INPP4B: variants seen among roughly 807,000 people sequenced by gnomAD.
INPP4B encodes the protein inositol polyphosphate 4-phosphatase type II.
In INPP4B, 55 loss-of-function variants were observed where a neutral mutation model predicts 122.5. The ratio of observed to expected loss-of-function variants is 0.45; its 90% CI spans 0.36 to 0.56. INPP4B has a LOEUF of 0.56. Among genes scored for constraint, INPP4B ranks in the 20% least tolerant of loss-of-function variants. INPP4B has a pLI of 0.00. For synonymous variants in INPP4B, 403 were observed against 388.7 expected (o/e 1.04, Z -0.43); for missense variants, 1,000 against 1,097.7 (o/e 0.91, Z 1.26).
At chr4:142,442,038 T>C (rs1013713094) in intron 3 of INPP4B, among the ~76,000 whole-genome samples, 2 of 152,124 alleles carry the variant, frequency 1.3e-5, no homozygotes, top group Non-Finnish European at 2.9e-5. Context: ...TTTATTTTTT[T>C]TCTTAAATAA....
At position 142,024,259 on chromosome 4, in the gene INPP4B, T is replaced by A. The variant is rs1318620762; in HGVS notation, c.*4523A>T. On this transcript the variant is annotated 3_prime_UTR_variant, in exon 26 of 26. Coordinates refer to ENST00000262992, the MANE Select transcript of INPP4B (RefSeq NM_001101669.3). ...ACTGCCAAAGCAACAAAAGATATAA[T>A]ATATTGGGACTTTATAAGCTAAGAA... is the stretch of plus-strand genomic sequence containing the variant. 3 of 152,138 alleles carry A rather than the reference T, an allele frequency of 2.0e-5. No individual in the cohort carries two copies. Among genetic ancestry groups the A allele is most frequent in the Non-Finnish European group, 4.4e-5 (3 of 68,008 alleles). 9.4% of individuals were successfully genotyped at this position (152,138 alleles called of 1,614,324 possible).
At chr4:142,160,138 C>T (rs1366780682) in intron 17 of INPP4B, among the ~76,000 whole-genome samples, 1 of 151,888 alleles carries the variant, frequency 6.6e-6, no homozygotes, top group Non-Finnish European at 1.5e-5. Flanking sequence ...ATGACAGATT[C>T]TCACTTAAAC....
intron 2 of INPP4B, among the ~76,000 whole-genome samples, chr4:142,682,489 G>A (rs1758768251): frequency 6.6e-6 from 1 of 151,820 alleles, no homozygotes; most frequent in South Asian, 2.1e-4. Context: ...ATCCTTAAAA[G>A]TAATTAAATT....
chr4:142,687,524 C>T (rs1759515225), intron 2 of INPP4B, among the ~76,000 whole-genome samples: 1 of 134,042 alleles, frequency 7.5e-6, no homozygotes. Flanking sequence ...AGTGAGGCCA[C>T]TAATTTTTTT....
chr4:142,841,560 G>A (rs1380158846), intron 1 of INPP4B, among the ~76,000 whole-genome samples: 3 of 151,816 alleles, frequency 2.0e-5, no homozygotes, highest in Non-Finnish European at 4.4e-5. Flanking sequence ...AAAGGTGAAA[G>A]GCTCATATTT....
At chr4:142,086,114 G>A (rs2152545213) in intron 24 of INPP4B, 30 bp downstream of exon 24, 1 of 1,348,918 alleles carries the variant, frequency 7.4e-7, no homozygotes, top group Non-Finnish European at 1.1e-6. Context: ...TGACATGGCA[G>A]GAAATAAGAT....
At chr4:142,806,278 C>CAAAA (rs1175185594) in intron 1 of INPP4B, among the ~76,000 whole-genome samples, 10 of 53,586 alleles carry the variant, frequency 1.9e-4, no homozygotes, top group African/African-American at 2.2e-4. Flanking sequence ...GACTCCGTCT[C>CAAAA]AAAAAAAAAA....
rs1253150618 is a variant in INPP4B, at chr4:142,024,950, C to T, written c.*3832G>A. The T allele has an allele frequency of 6.6e-6, 1 of 151,884 alleles. No homozygotes were observed. Among genetic ancestry groups the T allele is most frequent in the East Asian group, 1.9e-4 (1 of 5,176 alleles). The allele number at this position is 151,884 out of a possible 1,614,324, so 9.4% of individuals were successfully genotyped here. On this transcript the variant is annotated 3_prime_UTR_variant, in exon 26 of 26. Transcript: ENST00000262992. ...ATAGTCATCAAATATGACTTTTAAC[C>T]TAATAGGAGTCTTTAAAGAAGGTAA...
At position 142,160,561 on chromosome 4, in the gene INPP4B, T is replaced by C. The variant is rs908702391; in HGVS notation, c.1360A>G (p.Thr454Ala). 5 of 1,589,306 alleles carry C rather than the reference T, an allele frequency of 3.1e-6. No homozygotes were observed. The highest frequency in any genetic ancestry group is 4.3e-6 in the Non-Finnish European group (5 of 1,160,904). Residue 454 changes from threonine (T) to alanine (A), a missense_variant and splice_region_variant, in exon 17 of 26, where the codon ACA becomes GCA. Thr to Ala is a moderately conservative substitution (Grantham distance 58). Transcript: ENST00000262992. ...KNSLKMLSEK[T>A]ELFVHAFKDQ... is the part of the protein sequence containing the mutation. ...TTGAAGGCATGTACAAAAAGCTCTG[T>C]CTGGAAAGAAATTGACAAGGATTAG...
At chr4:142,090,223 C>T (rs1705660441) in intron 23 of INPP4B, among the ~76,000 whole-genome samples, 1 of 152,132 alleles carries the variant, frequency 6.6e-6, no homozygotes, top group Non-Finnish European at 1.5e-5. Context: ...TTAGAATACA[C>T]AGGCATGATG....
intron 19 of INPP4B, 87 bp downstream of exon 19, chr4:142,124,501 G>T (rs377302804): frequency 1.7e-6 from 2 of 1,204,566 alleles, no homozygotes; most frequent in East Asian, 2.4e-5. Flanking sequence ...AAATAAAGCT[G>T]TCCCAATAAG....
At position 142,026,802 on chromosome 4, in the gene INPP4B, A is replaced by AT. The variant is rs1028253764; in HGVS notation, c.*1979dup. ...CCCTACTGCTGGCTTTCCAGTTAAT[A>AT]TTTTTCCATATTTAAGTAGTTTGTT... On this transcript the variant is annotated 3_prime_UTR_variant, in exon 26 of 26. Transcript: ENST00000262992. 2 of 152,114 alleles carry AT rather than the reference A, an allele frequency of 1.3e-5. No homozygotes were observed. The highest frequency in any genetic ancestry group is 2.1e-4 in the South Asian group (1 of 4,828). The allele number at this position is 152,114 out of a possible 1,614,324, so 9.4% of individuals were successfully genotyped here.
At chr4:142,175,467 A>G (rs1276942607) in intron 15 of INPP4B, among the ~76,000 whole-genome samples, 4 of 152,184 alleles carry the variant, frequency 2.6e-5, no homozygotes, top group African/African-American at 9.7e-5. Flanking sequence ...CATTCAGAAG[A>G]TTGAACAAGA....
intron 2 of INPP4B, among the ~76,000 whole-genome samples, chr4:142,535,357 G>A (rs1030676913): frequency 2.0e-5 from 3 of 152,070 alleles, no homozygotes; most frequent in African/African-American, 7.2e-5. Flanking sequence ...ACAAAATTCC[G>A]AGCAGAGATT....
chr4:142,452,001 C>A (rs774789963), intron 3 of INPP4B, among the ~76,000 whole-genome samples: 16 of 152,008 alleles, frequency 1.1e-4, no homozygotes, highest in Non-Finnish European at 1.6e-4. Context: ...TTTGCTGCAC[C>A]CATCAACTCA....
intron 1 of INPP4B, among the ~76,000 whole-genome samples, chr4:142,792,351 A>G (rs1298819755): frequency 6.6e-6 from 1 of 152,120 alleles, no homozygotes; most frequent in Non-Finnish European, 1.5e-5. Flanking sequence ...GAAAAAATAC[A>G]AGAATCATTC....
intron 2 of INPP4B, among the ~76,000 whole-genome samples, chr4:142,618,837 G>A (rs1580518548): frequency 6.6e-6 from 1 of 150,850 alleles, no homozygotes; most frequent in African/African-American, 2.4e-5. Flanking sequence ...ATCTAATAAG[G>A]GATTACTATC....
At position 142,324,138 on chromosome 4, in the gene INPP4B, T is replaced by A. The variant is rs564509777; in HGVS notation, c.373-9376A>T. Reference sequence around the variant, plus strand: ...AAAGCTCTGCCCAGAGGAAAGACCATGCAAAGAGGCAGCAAGAGGGCCACT... The same window carrying A: ...AAAGCTCTGCCCAGAGGAAAGACCAAGCAAAGAGGCAGCAAGAGGGCCACT... On this transcript the variant is annotated intron_variant, in intron 7 of 25. Transcript: ENST00000262992. Among the ~76,000 whole-genome samples, 28 of 152,214 alleles carry A rather than the reference T, an allele frequency of 1.8e-4. No individual in the cohort carries two copies. In the South Asian group the frequency reaches 5.8e-3, roughly 32 times the overall value.
At chr4:142,616,190 A>G (rs1743662417) in intron 2 of INPP4B, among the ~76,000 whole-genome samples, 1 of 152,116 alleles carries the variant, frequency 6.6e-6, no homozygotes, top group Non-Finnish European at 1.5e-5. Context: ...TGCCCTCGGA[A>G]TGGATGAAAT....
Sources: allele counts gnomAD v4.1 joint callset (sites outside exome capture counted in the v4.1 genomes callset), GRCh38; gene constraint gnomAD v4.1.1; transcripts MANE v1.5; gene names NCBI Gene and HGNC (gene_info 2026-07-23, HGNC 2026-07-21).